Variants in LAMA3 observed in about 807,000 individuals in gnomAD.
LAMA3 encodes the protein laminin subunit alpha-3.
In LAMA3, 281 loss-of-function variants were observed where a neutral mutation model predicts 402.0. The observed-to-expected ratio is 0.70, with a 90% CI of 0.63 to 0.77. The LOEUF is 0.77. Among genes scored for constraint, LAMA3 ranks in the 30% least tolerant of loss-of-function variants. The pLI is 0.00. For missense variants in LAMA3, 3,840 were observed against 4,215.5 expected (o/e 0.91, Z 2.47); for synonymous variants, 1,431 against 1,558.4 (o/e 0.92, Z 1.93).
intron 2 of LAMA3, among the ~76,000 whole-genome samples, chr18:23,721,910 C>T (rs2061220673): frequency 6.6e-6 from 1 of 152,164 alleles, no homozygotes; most frequent in South Asian, 2.1e-4. Context: ...CAAGGGTCTA[C>T]CTATCAATCA....
intron 14 of LAMA3, 100 bp from the exon 15 acceptor site, chr18:23,814,303 G>T: frequency 1.1e-6 from 1 of 925,076 alleles, no homozygotes; most frequent in South Asian, 1.3e-5. Context: ...TACTTTTCAT[G>T]ACCAAAATAT....
intron 69 of LAMA3, 22 bp downstream of exon 69, chr18:23,943,993 G>A (rs201413061): frequency 1.2e-6 from 2 of 1,609,052 alleles, no homozygotes; most frequent in Admixed American, 1.7e-5. Flanking sequence ...GGCTGTGTCA[G>A]TATCTCCAGT....
intron 6 of LAMA3, among the ~76,000 whole-genome samples, chr18:23,756,185 G>A (rs2061839260): frequency 6.6e-6 from 1 of 152,162 alleles, no homozygotes; most frequent in African/African-American, 2.4e-5. Context: ...GTTGAGTGTG[G>A]AGAGGGATGA....
chr18:23,814,448 C>T lies in LAMA3; in HGVS notation c.1834C>T (p.Arg612Cys), dbSNP rs368203876. ...TCATGTTGAAGGTCCTACTTGTAGC[C>T]GCTGCAAACTGTTATATTGGAATCT... ...KLHVEGPTCS[R>C]CKLLYWNLDK... is the part of the protein sequence containing the mutation. Residue 612 changes from arginine (R) to cysteine (C), a missense_variant, in exon 15 of 75, where the codon CGC (arginine) becomes TGC (cysteine). Coordinates refer to ENST00000313654, the MANE Select transcript of LAMA3 (RefSeq NM_198129.4). 48 of 1,613,800 alleles carry T rather than the reference C, an allele frequency of 3.0e-5. No individual in the cohort carries two copies. The highest frequency in any genetic ancestry group is 1.6e-4 in the African/African-American group (12 of 74,916).
At position 23,693,046 on chromosome 18, in the gene LAMA3, T is replaced by C. The variant is rs988731593; in HGVS notation, c.294+3069T>C. Among the ~76,000 whole-genome samples the C allele has an allele frequency of 2.0e-5, 3 of 152,274 alleles. No individual in the cohort carries two copies. The South Asian group carries it at 6.2e-4, about 32-fold the overall frequency. The stretch of plus-strand genomic sequence containing the variant: ...CTAAATAATATACAAAAAAAGCAGT[T>C]AAAAACCAAAAATATGGAGAGGCAT... On this transcript the variant is annotated intron_variant, in intron 1 of 74. Coordinates refer to ENST00000313654, the MANE Select transcript of LAMA3 (RefSeq NM_198129.4).
intron 2 of LAMA3, among the ~76,000 whole-genome samples, chr18:23,727,898 GATTTT>G (rs1049725442): frequency 1.1e-4 from 16 of 151,722 alleles, no homozygotes; most frequent in African/African-American, 3.9e-4. Flanking sequence ...CCCCACTATT[GATTTT>G]ATTTTATTTT....
chr18:23,927,526 A>G (rs115990276), intron 62 of LAMA3, among the ~76,000 whole-genome samples: 454 of 152,308 alleles, frequency 3.0e-3, no homozygotes, highest in African/African-American at 0.01. Context: ...GGTGGTAGAT[A>G]CAGCAGCATA....
intron 40 of LAMA3, among the ~76,000 whole-genome samples, chr18:23,884,050 GT>G (rs1568296251): frequency 0.023 from 42 of 1,840 alleles, no homozygotes; most frequent in African/African-American, 0.056. Flanking sequence ...TCTCTTTGGT[GT>G]GTGTGTGTGT....
At chr18:23,722,282 C>T (rs2061228430) in intron 2 of LAMA3, among the ~76,000 whole-genome samples, 1 of 152,190 alleles carries the variant, frequency 6.6e-6, no homozygotes, top group Non-Finnish European at 1.5e-5. Flanking sequence ...GAAACCCTTC[C>T]TGGCTGCCTG....
intron 2 of LAMA3, among the ~76,000 whole-genome samples, chr18:23,719,719 T>G (rs1299766003): frequency 6.6e-6 from 1 of 150,772 alleles, no homozygotes; most frequent in East Asian, 1.9e-4. Context: ...GAGACTTTGG[T>G]GGGTGAATCC....
At position 23,777,608 on chromosome 18, in the gene LAMA3, G is replaced by T; in HGVS notation, c.1457G>T (p.Gly486Val). Residue 486 changes from glycine (G) to valine (V), a missense_variant, in exon 11 of 75, where the codon GGA becomes GTA. By Grantham distance (109) the Gly-to-Val change is moderately radical. Coordinates refer to ENST00000313654, the MANE Select transcript of LAMA3 (RefSeq NM_198129.4). Reference protein sequence around the residue: ...STPSSEDPVAGDIKGCDCNLE... With the variant: ...STPSSEDPVAVDIKGCDCNLE... The stretch of plus-strand genomic sequence containing the variant: ...CCAAGTTCAGAAGATCCAGTAGCTG[G>T]AGATATAAAAGGCAAGTAACCTCCC... 1 of 1,611,252 alleles carries T rather than the reference G, an allele frequency of 6.2e-7. No homozygotes were observed. The highest frequency in any genetic ancestry group is 8.5e-7 in the Non-Finnish European group (1 of 1,177,422).
chr18:23,859,344 A>G (rs747578798), intron 34 of LAMA3, among the ~76,000 whole-genome samples: 5 of 152,156 alleles, frequency 3.3e-5, no homozygotes, highest in Non-Finnish European at 7.3e-5. Flanking sequence ...CTGCAATTCA[A>G]TTCACTTCTG....
chr18:23,695,661 G>A (rs891639790), intron 1 of LAMA3, among the ~76,000 whole-genome samples: 1 of 151,670 alleles, frequency 6.6e-6, no homozygotes, highest in Non-Finnish European at 1.5e-5. Context: ...AGCTGGGCAT[G>A]GTGGCGTGTG....
chr18:23,923,627 A>G (rs555932596), intron 62 of LAMA3, among the ~76,000 whole-genome samples: 100 of 152,308 alleles, frequency 6.6e-4, no homozygotes, highest in Non-Finnish European at 1.0e-3. Flanking sequence ...GAGGCCCACA[A>G]GCAGGCGCAC....
At position 23,899,447 on chromosome 18, in the gene LAMA3, C is replaced by A; in HGVS notation, c.5996C>A (p.Ser1999Ter). The A allele has an allele frequency of 6.2e-7, 1 of 1,613,822 alleles. No homozygotes were observed. The highest frequency in any genetic ancestry group is 1.1e-5 in the South Asian group (1 of 90,990). Reference protein sequence around the residue: ...LREAEADKRESQLLLNRIRTW... With the variant: ...LREAEADKRE ...GAAGCAGAAGCTGATAAAAGGGAGT[C>A]GCAGCTCTGTAAGAATGCTCCCAAA... Residue 1999 changes from serine (S) to a stop codon, truncating the protein, a stop_gained, in exon 47 of 75, where the codon TCG becomes TAG. Coordinates refer to ENST00000313654, the MANE Select transcript of LAMA3 (RefSeq NM_198129.4). LOFTEE classifies it high-confidence loss of function.
intron 62 of LAMA3, 77 bp from the exon 63 acceptor site, chr18:23,928,046 G>A (rs1223798236): frequency 4.0e-6 from 4 of 1,001,378 alleles, no homozygotes; most frequent in Non-Finnish European, 6.4e-6. Flanking sequence ...AAGTACTAAA[G>A]AGCACAGCGT....
intron 12 of LAMA3, among the ~76,000 whole-genome samples, chr18:23,808,097 C>T (rs914049960): frequency 2.0e-5 from 3 of 152,046 alleles, no homozygotes; most frequent in South Asian, 2.1e-4. Context: ...CAGTCATTCT[C>T]TAGTCTTTGT....
chr18:23,758,295 G>T, intron 6 of LAMA3, 101 bp from the exon 7 acceptor site: 1 of 791,618 alleles, frequency 1.3e-6, no homozygotes, highest in Non-Finnish European at 2.2e-6. Flanking sequence ...ATGGTGCCGT[G>T]GATGACCGTG....
At chr18:23,777,242 G>T (rs1420593435) in intron 10 of LAMA3, among the ~76,000 whole-genome samples, 1 of 131,352 alleles carries the variant, frequency 7.6e-6, no homozygotes, top group African/African-American at 2.6e-5. Flanking sequence ...TTAAAGCTTT[G>T]ATTTTATGTT....
Sources: gnomAD v4.1 joint callset for allele counts (sites outside exome capture counted in the v4.1 genomes callset) on GRCh38, gnomAD v4.1.1 for gene constraint, MANE v1.5 for transcripts, NCBI Gene and HGNC (gene_info 2026-07-23, HGNC 2026-07-21) for gene names.